Variants in PRKDC observed in about 807,000 individuals in gnomAD.
The protein encoded by PRKDC is DNA-dependent protein kinase catalytic subunit.
Under a neutral mutation model 486.9 loss-of-function variants are expected in PRKDC, and 82 were observed. The ratio of observed to expected loss-of-function variants is 0.17; its 90% CI spans 0.14 to 0.20. The LOEUF is 0.20. PRKDC is among the 10% of genes least tolerant of loss of function. The probability of loss-of-function intolerance (pLI) is 1.00; values close to 1 mark genes in which losing one functional copy is unlikely to be tolerated. For synonymous variants in PRKDC, 1,895 were observed against 1,837.0 expected (o/e 1.03, Z -0.81); for missense variants, 4,504 against 5,038.2 (o/e 0.89, Z 3.21).
At chr8:47,916,466 G>C (rs2089985303) in intron 22 of PRKDC, among the ~76,000 whole-genome samples, 1 of 151,986 alleles carries the variant, frequency 6.6e-6, no homozygotes, top group African/African-American at 2.4e-5. Flanking sequence ...GTAATGAGAA[G>C]CTATCAAACT....
At chr8:47,920,837 T>C (rs2154503126) in intron 21 of PRKDC, among the ~76,000 whole-genome samples, 1 of 152,356 alleles carries the variant, frequency 6.6e-6, no homozygotes, top group East Asian at 1.9e-4. Flanking sequence ...TGTACTCTTT[T>C]AACCATTTTT....
At chr8:47,806,938 C>T (rs368045106) in intron 69 of PRKDC, among the ~76,000 whole-genome samples, 199 bp downstream of exon 69, 6 of 152,232 alleles carry the variant, frequency 3.9e-5, no homozygotes, top group Non-Finnish European at 5.9e-5. Context: ...TCAAGTGATC[C>T]GCCTGCCTTG....
rs374815371 is a variant in PRKDC at position 47,845,077 on chromosome 8, C to T, written c.7280+4077G>A. Among the ~76,000 whole-genome samples the T allele has an allele frequency of 3.9e-3, 588 of 152,102 alleles. 4 individuals carry two copies. Among genetic ancestry groups the T allele is most frequent in the South Asian group, 0.025 (120 of 4,818 alleles). On this transcript the variant is annotated intron_variant, in intron 54 of 85. Coordinates refer to ENST00000314191, the MANE Select transcript of PRKDC (RefSeq NM_006904.7). ...TTAAAATACAAAAAAATTAGCCAGG[C>T]GTGGTGGTGTGCACCTCTAGTCCCA...
chr8:47,830,056 A>G (rs756170986), intron 61 of PRKDC, among the ~76,000 whole-genome samples: 1 of 152,230 alleles, frequency 6.6e-6, no homozygotes, highest in African/African-American at 2.4e-5. Flanking sequence ...ACCAAAAAGC[A>G]TGGTACTGGT....
intron 76 of PRKDC, among the ~76,000 whole-genome samples, 170 bp downstream of exon 76, chr8:47,788,736 A>G (rs1434706688): frequency 8.5e-5 from 13 of 152,242 alleles, no homozygotes; most frequent in Non-Finnish European, 1.5e-5. Context: ...TAAAAATGTT[A>G]TCAATGTGTC....
chr8:47,953,610 C>T lies in PRKDC; in HGVS notation c.721+10G>A. 6.2e-7 allele frequency: 1 copy of T among 1,606,796 alleles called. No homozygotes were observed. Among genetic ancestry groups the T allele is most frequent in the East Asian group, 2.2e-5 (1 of 44,808 alleles). On this transcript the variant is annotated intron_variant, in intron 7 of 85. Coordinates refer to ENST00000314191, the MANE Select transcript of PRKDC (RefSeq NM_006904.7). ...TTGAATAAAGAAAATCAAGTGAAGC[C>T]AAGCAATACCTTCTTCCATGGACTT...
intron 25 of PRKDC, among the ~76,000 whole-genome samples, chr8:47,907,166 G>A (rs930307156): frequency 6.6e-5 from 10 of 150,484 alleles, no homozygotes; most frequent in Admixed American, 2.8e-4. Flanking sequence ...TCAGCCTCCC[G>A]AGTAGCTGGG....
chr8:47,953,691 A>T lies in PRKDC; in HGVS notation c.650T>A (p.Leu217Gln). ...QMTSAVREPK[L>Q]PVLAGCLKGL... ...CTTCAGACATCCTGCCAGAACAGGTAGTTTGGGCTCTCTTACTGCTGATGT... is the reference window on the plus strand; with the variant it reads ...CTTCAGACATCCTGCCAGAACAGGTTGTTTGGGCTCTCTTACTGCTGATGT... The change falls in exon 7 of 86, where the codon CTA (leucine) becomes CAA (glutamine). Residue 217 changes from leucine to glutamine, a missense_variant. By Grantham distance (113) the Leu-to-Gln change is moderately radical. Around this residue, in one of 6 missense-constraint regions of PRKDC, gnomAD observed 1,969 missense variants for 2,068.9 expected, o/e 0.95. Coordinates refer to ENST00000314191, the MANE Select transcript of PRKDC (RefSeq NM_006904.7). 6.2e-7 allele frequency: 1 copy of T among 1,613,358 alleles called. No homozygotes were observed. The highest frequency in any genetic ancestry group is 8.5e-7 in the Non-Finnish European group (1 of 1,179,646).
At chr8:47,926,730 C>G (rs1404157948) in intron 21 of PRKDC, 1 of 152,114 alleles carries the variant, frequency 6.6e-6, no homozygotes. Context: ...CCTGTTTTTT[C>G]TATGATGACA....
At chr8:47,927,912 A>T in intron 19 of PRKDC, 22 bp from the exon 20 acceptor site, 1 of 1,509,336 alleles carries the variant, frequency 6.6e-7, no homozygotes, top group Non-Finnish European at 8.8e-7. Context: ...AGAAGACAGT[A>T]ATGTATATCT....
At chr8:47,941,872 T>C (rs147685842) in intron 10 of PRKDC, among the ~76,000 whole-genome samples, 141 of 152,350 alleles carry the variant, frequency 9.3e-4, no homozygotes, top group African/African-American at 3.3e-3. Flanking sequence ...CTATTCAATG[T>C]AGTTTTCATT....
Position 47,775,096 on chromosome 8 carries a change from AG to A in PRKDC, c.12183-720del, listed in dbSNP as rs1053336869. 2.2e-3 allele frequency among the ~76,000 whole-genome samples: 333 copies of A among 152,110 alleles called. 1 individual carries two copies. Among genetic ancestry groups the A allele is most frequent in the Non-Finnish European group, 2.4e-3 (163 of 67,998 alleles). On this transcript the variant is annotated intron_variant, in intron 85 of 85. Transcript: ENST00000314191. ...CAGCTACTCAGGAGGCTCGGACAGGAGGATCGCTTGAACCCAGGAGGTGGGG... is the reference window on the plus strand; with the variant it reads ...CAGCTACTCAGGAGGCTCGGACAGGAGATCGCTTGAACCCAGGAGGTGGGG...
chr8:47,808,329 T>C (rs981947882), intron 68 of PRKDC, among the ~76,000 whole-genome samples: 1 of 151,650 alleles, frequency 6.6e-6, no homozygotes, highest in Non-Finnish European at 1.5e-5. Flanking sequence ...CACTTTTTTG[T>C]AGAAACGGAG....
chr8:47,946,539 C>T (rs1488100371), intron 7 of PRKDC, among the ~76,000 whole-genome samples: 3 of 152,096 alleles, frequency 2.0e-5, no homozygotes, highest in Non-Finnish European at 2.9e-5. Flanking sequence ...CAAACTCCAC[C>T]GGATGCGAGG....
chr8:47,912,573 C>A lies in PRKDC; in HGVS notation c.2782-11G>T. The A allele has an allele frequency of 1.3e-6, 2 of 1,577,964 alleles. No homozygotes were observed. The highest frequency in any genetic ancestry group is 2.3e-5 in the South Asian group (2 of 85,578). ...TTCACAGGCTGCAACCTAAAACAGA[C>A]CAGGAGGTCAGCAATGTTTAAGTTA... On this transcript the variant is annotated splice_polypyrimidine_tract_variant and intron_variant, in intron 24 of 85. Transcript: ENST00000314191.
intron 34 of PRKDC, 67 bp downstream of exon 34, chr8:47,888,451 T>C (rs1188208769): frequency 1.5e-6 from 2 of 1,338,482 alleles, no homozygotes; most frequent in African/African-American, 1.5e-5. Context: ...TAAGAAATAA[T>C]ATAAATAAAT....
In PRKDC at chr8:47,930,809, A is replaced by G. The variant is rs746034247; in HGVS notation, c.1777-22T>C. On this transcript the variant is annotated intron_variant, in intron 16 of 85. Transcript: ENST00000314191. ...CATTCTTAAAGAGTAATTGTAGCAAAGAAACATTGTACCATTCAATCACGA... is the reference window on the plus strand; with the variant it reads ...CATTCTTAAAGAGTAATTGTAGCAAGGAAACATTGTACCATTCAATCACGA... 5 of 1,540,738 alleles carry G rather than the reference A, an allele frequency of 3.2e-6. No homozygotes were observed. In the Admixed American group the frequency reaches 1.1e-4, roughly 33 times the overall value.
rs747812817 is a variant in PRKDC, at chr8:47,935,770, G to A, written c.1409C>T (p.Ala470Val). Residue 470 changes from alanine (A) to valine (V), a missense_variant, in exon 13 of 86, where the codon GCA (alanine) becomes GTA (valine). By Grantham distance (64) the Ala-to-Val change is moderately conservative. Coordinates refer to ENST00000314191, the MANE Select transcript of PRKDC (RefSeq NM_006904.7). ...AIVKVFLALA[A>V]KGPVLRNCIS... ...GCAATTCCTGAGAACTGGCCCTTTT[G>A]CTGCCAAAGCTAGGAACACCTTCAC... is the stretch of plus-strand genomic sequence containing the variant. 5.0e-6 allele frequency: 8 copies of A among 1,613,750 alleles called. No homozygotes were observed. The highest frequency in any genetic ancestry group is 6.8e-6 in the Non-Finnish European group (8 of 1,179,834).
In PRKDC at chr8:47,927,267, T is replaced by C. The variant is rs759164322; in HGVS notation, c.2346A>G (p.Arg782=). Residue 782 remains arginine (R), a synonymous_variant, in exon 21 of 86, where the codon AGA becomes AGG. Transcript: ENST00000314191. ...CTTTGTAATAAGGCTGCATTACATGTCTGTCAATATAAATTGACCATTCTT... is the reference window on the plus strand; with the variant it reads ...CTTTGTAATAAGGCTGCATTACATGCCTGTCAATATAAATTGACCATTCTT... ...ALEEWSIYID[R]HVMQPYYKDI... 2 of 1,613,652 alleles carry C rather than the reference T, an allele frequency of 1.2e-6. No individual in the cohort carries two copies. The highest frequency in any genetic ancestry group is 1.3e-5 in the African/African-American group (1 of 75,044).
Sources: gnomAD v4.1 joint callset for allele counts (sites outside exome capture counted in the v4.1 genomes callset) on GRCh38, gnomAD v4.1.1 for gene constraint, gnomAD v4.1.1 regional missense constraint, MANE v1.5 for transcripts, NCBI Gene and HGNC (gene_info 2026-07-23, HGNC 2026-07-21) for gene names.